The following SLC9C1 variants were observed in gnomAD, a reference collection of about 807,000 sequenced individuals.
SLC9C1 encodes the protein solute carrier family 9 member C1, also known as sodium/hydrogen exchanger 10.
In SLC9C1, 97 loss-of-function variants were observed where a neutral mutation model predicts 140.9. The ratio of observed to expected loss-of-function variants is 0.69; its 90% CI spans 0.58 to 0.82. SLC9C1 has a LOEUF of 0.82. SLC9C1 is among the 40% of genes least tolerant of loss of function. SLC9C1 has a pLI of 0.00. For missense variants in SLC9C1, 1,340 were observed against 1,389.3 expected (o/e 0.96, Z 0.56); for synonymous variants, 440 against 442.6 (o/e 0.99, Z 0.07).
intron 28 of SLC9C1, among the ~76,000 whole-genome samples, chr3:112,146,120 A>G (rs2074788151): frequency 6.6e-6 from 1 of 152,108 alleles, no homozygotes; most frequent in Non-Finnish European, 1.5e-5. Flanking sequence ...GGTGTTCATA[A>G]CAGTCTCCAA....
chr3:112,194,654 G>A (rs2077732936), intron 20 of SLC9C1, among the ~76,000 whole-genome samples: 1 of 152,118 alleles, frequency 6.6e-6, no homozygotes, highest in Non-Finnish European at 1.5e-5. Context: ...CCCAGAAAAG[G>A]AATTACTGGA....
At chr3:112,156,916 T>G (rs2075142153) in intron 26 of SLC9C1, among the ~76,000 whole-genome samples, 1 of 152,064 alleles carries the variant, frequency 6.6e-6, no homozygotes, top group Non-Finnish European at 1.5e-5. Context: ...TATATTCTGG[T>G]TATTAATACC....
At chr3:112,221,637 G>A (rs764644148) in intron 13 of SLC9C1, among the ~76,000 whole-genome samples, 74 of 151,936 alleles carry the variant, frequency 4.9e-4, no homozygotes, top group Non-Finnish European at 7.2e-4. Context: ...CCACAACAGG[G>A]CTCTGCTGCC....
At chr3:112,176,768 T>C (rs534729859) in intron 23 of SLC9C1, among the ~76,000 whole-genome samples, 1 of 152,260 alleles carries the variant, frequency 6.6e-6, no homozygotes, top group South Asian at 2.1e-4. Context: ...AAACCTCAGG[T>C]ATCTAAGACA....
intron 12 of SLC9C1, among the ~76,000 whole-genome samples, chr3:112,233,080 T>G (rs2078877360): frequency 9.4e-6 from 1 of 106,606 alleles, no homozygotes; most frequent in East Asian, 3.1e-4. Flanking sequence ...ATATTTTTTT[T>G]TTTTTTAAGA....
At chr3:112,272,634 C>A (rs1469593337) in intron 6 of SLC9C1, among the ~76,000 whole-genome samples, 1 of 152,144 alleles carries the variant, frequency 6.6e-6, no homozygotes, top group Non-Finnish European at 1.5e-5. Context: ...AAAGTAAATT[C>A]ATCGTTCTCT....
chr3:112,266,497 AC>A (rs1325620976), intron 7 of SLC9C1, among the ~76,000 whole-genome samples, 157 bp from the exon 8 acceptor site: 1 of 152,230 alleles, frequency 6.6e-6, no homozygotes, highest in Admixed American at 6.5e-5. Context: ...GCAAATTATT[AC>A]CACCACCCCA....
intron 2 of SLC9C1, among the ~76,000 whole-genome samples, chr3:112,283,881 G>A (rs910700981): frequency 4.0e-5 from 6 of 150,826 alleles, no homozygotes; most frequent in African/African-American, 9.8e-5. Flanking sequence ...ATGATCGGTC[G>A]CCTATTACAT....
intron 23 of SLC9C1, among the ~76,000 whole-genome samples, chr3:112,177,776 A>T (rs1412647490): frequency 1.3e-5 from 2 of 149,150 alleles, no homozygotes; most frequent in Non-Finnish European, 3.0e-5. Context: ...CATATATTTT[A>T]TTAAGTTTTA....
intron 23 of SLC9C1, among the ~76,000 whole-genome samples, chr3:112,177,303 T>C (rs1269847211): frequency 6.6e-6 from 1 of 151,930 alleles, no homozygotes; most frequent in Non-Finnish European, 1.5e-5. Context: ...CGCCACACCT[T>C]GCCTGACTCC....
At chr3:112,185,336 G>A in intron 20 of SLC9C1, 4 of 627,616 alleles carry the variant, frequency 6.4e-6, no homozygotes, top group Non-Finnish European at 8.2e-6. Context: ...GAAAAAAGTC[G>A]TGTAAAAAAA....
At chr3:112,270,107 G>T in intron 6 of SLC9C1, 30 bp from the exon 7 acceptor site, 1 of 1,451,420 alleles carries the variant, frequency 6.9e-7, no homozygotes, top group African/African-American at 1.5e-5. Context: ...ATAAGAAATA[G>T]TTAATAGAAC....
intron 15 of SLC9C1, among the ~76,000 whole-genome samples, chr3:112,215,710 A>G (rs575814476): frequency 2.6e-4 from 39 of 152,358 alleles, no homozygotes; most frequent in African/African-American, 8.7e-4. Context: ...AAATGAGGAT[A>G]CAAACAAATG....
intron 26 of SLC9C1, among the ~76,000 whole-genome samples, chr3:112,161,078 G>A (rs1433960524): frequency 6.6e-6 from 1 of 151,690 alleles, no homozygotes; most frequent in Non-Finnish European, 1.5e-5. Flanking sequence ...CTTTTGAGAA[G>A]TGTCTGTTCA....
chr3:112,262,582 G>A (rs2079805010), intron 10 of SLC9C1, among the ~76,000 whole-genome samples: 1 of 151,928 alleles, frequency 6.6e-6, no homozygotes, highest in African/African-American at 2.4e-5. Context: ...ATTACTAAAT[G>A]AGCCTCAGAA....
At chr3:112,246,606 A>G (rs1178636971) in intron 10 of SLC9C1, among the ~76,000 whole-genome samples, 1 of 152,102 alleles carries the variant, frequency 6.6e-6, no homozygotes, top group Non-Finnish European at 1.5e-5. Flanking sequence ...TAAGCTTCCA[A>G]GTGTATATGC....
At chr3:112,284,960 A>T in intron 2 of SLC9C1, among the ~76,000 whole-genome samples, 1 of 147,508 alleles carries the variant, frequency 6.8e-6, no homozygotes. Context: ...TTAGTTTTAC[A>T]TTATTAGAAA....
chr3:112,278,496 C>T (rs2080274589), intron 4 of SLC9C1, among the ~76,000 whole-genome samples: 1 of 152,132 alleles, frequency 6.6e-6, no homozygotes, highest in Non-Finnish European at 1.5e-5. Flanking sequence ...TGAAGTTATG[C>T]AAGTCAGATT....
In SLC9C1 at chr3:112,151,908, C is replaced by T; in HGVS notation, c.3473G>A (p.Gly1158Glu). The change falls in exon 28 of 29, where the codon GGG becomes GAG. Residue 1158 changes from glycine to glutamate, a missense_variant. Gly to Glu is a moderately conservative substitution (Grantham distance 98). Coordinates refer to ENST00000305815, the MANE Select transcript of SLC9C1 (RefSeq NM_183061.3). The part of the protein sequence containing the change: ...ARSPQPCSLL[G>E]TKFNCKESPR... ...GGACTCCTTACAGTTGAACTTTGTC[C>T]CCAGCAGGGAGCAAGGCTGGGGACT... 6.2e-7 allele frequency: 1 copy of T among 1,609,284 alleles called. No individual in the cohort carries two copies. Among genetic ancestry groups the T allele is most frequent in the Non-Finnish European group, 8.5e-7 (1 of 1,178,642 alleles).
Sources: gnomAD v4.1 joint callset for allele counts (sites outside exome capture counted in the v4.1 genomes callset) on GRCh38, gnomAD v4.1.1 for gene constraint, MANE v1.5 for transcripts, NCBI Gene and HGNC (gene_info 2026-07-23, HGNC 2026-07-21) for gene names.